LDB2: variants seen among roughly 807,000 people sequenced by gnomAD.
The protein encoded by LDB2 is LIM domain binding 2.
Under a neutral mutation model 44.3 loss-of-function variants are expected in LDB2, and 12 were observed. That is an observed-to-expected ratio of 0.27 (90% confidence interval 0.17 to 0.44). The LOEUF is 0.44. Among genes scored for constraint, LDB2 ranks in the 20% least tolerant of loss-of-function variants. The pLI is 1.00. For missense variants in LDB2, 344 were observed against 473.5 expected, an observed-to-expected ratio of 0.73 and a Z score of 2.54; for synonymous variants, 164 against 174.8, an observed-to-expected ratio of 0.94 and a Z score of 0.49.
intron 1 of LDB2, among the ~76,000 whole-genome samples, chr4:16,779,389 T>C (rs2109435702): frequency 6.6e-6 from 1 of 152,326 alleles, no homozygotes; most frequent in East Asian, 1.9e-4. Context: ...GAAGCATGCA[T>C]GGCCTGGGTC....
intron 1 of LDB2, among the ~76,000 whole-genome samples, chr4:16,897,984 A>G (rs575049179): frequency 1.4e-3 from 173 of 120,726 alleles, no homozygotes; most frequent in African/African-American, 3.9e-3. Context: ...ACACATATGT[A>G]TATATATATA....
At chr4:16,862,840 G>A (rs957884169) in intron 1 of LDB2, among the ~76,000 whole-genome samples, 1 of 151,980 alleles carries the variant, frequency 6.6e-6, no homozygotes, top group East Asian at 1.9e-4. Flanking sequence ...ACAGTCCTCC[G>A]CCCCCGAAGT....
At position 16,620,124 on chromosome 4, in the gene LDB2, T is replaced by C. The variant is rs780560326; in HGVS notation, c.236-24249A>G. Among the ~76,000 whole-genome samples, 11 of 152,304 alleles carry C rather than the reference T, an allele frequency of 7.2e-5. No homozygotes were observed. In the South Asian group the frequency reaches 1.5e-3, roughly 20 times the overall value. ...AGCCTCCTGTTGTCCAAAAGTTCCA[T>C]GAAGGAAGAGACCATATCTATCTTG... is the stretch of plus-strand genomic sequence containing the variant. On this transcript the variant is annotated intron_variant, in intron 2 of 7. Coordinates refer to ENST00000304523, the MANE Select transcript of LDB2 (RefSeq NM_001290.5).
At chr4:16,694,730 T>C (rs569958313) in intron 2 of LDB2, among the ~76,000 whole-genome samples, 1 of 152,336 alleles carries the variant, frequency 6.6e-6, no homozygotes, top group South Asian at 2.1e-4. Flanking sequence ...CCAAGAGTCA[T>C]AGCTTTATTC....
rs565584047 is a variant in LDB2 at position 16,887,457 on chromosome 4, G to GT, written c.132+10896dup. ...AAAGGGCAGGTAATATGCACTGACT[G>GT]TTTAAGTTTAATTTCAAGTAATAAA... On this transcript the variant is annotated intron_variant, in intron 1 of 7. Transcript: ENST00000304523. Among the ~76,000 whole-genome samples, 38 of 152,276 alleles carry GT rather than the reference G, an allele frequency of 2.5e-4. No homozygotes were observed. In the South Asian group the frequency reaches 7.7e-3, roughly 31 times the overall value.
chr4:16,793,475 C>T (rs968838554), intron 1 of LDB2, among the ~76,000 whole-genome samples: 5 of 152,246 alleles, frequency 3.3e-5, no homozygotes, highest in Admixed American at 2.6e-4. Flanking sequence ...ACCATCAGCT[C>T]CCAGGTTGCC....
chr4:16,844,925 G>A (rs527281639), intron 1 of LDB2, among the ~76,000 whole-genome samples: 14 of 152,316 alleles, frequency 9.2e-5, no homozygotes, highest in African/African-American at 3.4e-4. Flanking sequence ...GTACAAGAGG[G>A]AAAACTACAT....
At chr4:16,787,388 A>G (rs1268446983) in intron 1 of LDB2, among the ~76,000 whole-genome samples, 1 of 152,178 alleles carries the variant, frequency 6.6e-6, no homozygotes, top group Non-Finnish European at 1.5e-5. Flanking sequence ...CAAGGTGGGC[A>G]TATCACCCGA....
chr4:16,584,608 C>T (rs1367913863), intron 5 of LDB2, among the ~76,000 whole-genome samples: 3 of 152,210 alleles, frequency 2.0e-5, no homozygotes, highest in Non-Finnish European at 4.4e-5. Flanking sequence ...GCACGGTGTT[C>T]GTGTGGTAAC....
chr4:16,880,272 CA>C (rs1313465673), intron 1 of LDB2, among the ~76,000 whole-genome samples: 1 of 152,116 alleles, frequency 6.6e-6, no homozygotes, highest in Non-Finnish European at 1.5e-5. Flanking sequence ...TAAATTAAAT[CA>C]AAACAGGCCT....
chr4:16,515,076 A>G (rs945804619), intron 5 of LDB2, among the ~76,000 whole-genome samples: 1 of 152,248 alleles, frequency 6.6e-6, no homozygotes, highest in African/African-American at 2.4e-5. Context: ...AAAATGTGGT[A>G]CACATTCACC....
intron 7 of LDB2, chr4:16,505,982 C>G (rs896089729): frequency 2.6e-6 from 4 of 1,551,156 alleles, no homozygotes; most frequent in Non-Finnish European, 3.5e-6. Flanking sequence ...GCTCCTAGCC[C>G]CTGCTCATGG....
intron 1 of LDB2, among the ~76,000 whole-genome samples, chr4:16,881,839 A>C (rs575815163): frequency 1.8e-4 from 27 of 152,254 alleles, no homozygotes; most frequent in Non-Finnish European, 3.2e-4. Context: ...TAAGAGACCT[A>C]GTTGCAGCCA....
intron 2 of LDB2, among the ~76,000 whole-genome samples, chr4:16,634,061 T>A (rs1271535425): frequency 6.6e-6 from 1 of 152,166 alleles, no homozygotes; most frequent in Non-Finnish European, 1.5e-5. Flanking sequence ...GCTAGCCATA[T>A]GTAGAAAACT....
chr4:16,702,887 T>C (rs157624), intron 2 of LDB2, among the ~76,000 whole-genome samples: 52,823 of 152,088 alleles, frequency 0.35, 10,125 homozygotes, highest in East Asian at 0.66. Context: ...AGCCCTTGAA[T>C]GCCTATGTAC....
At chr4:16,850,052 G>A (rs1367912105) in intron 1 of LDB2, among the ~76,000 whole-genome samples, 1 of 152,184 alleles carries the variant, frequency 6.6e-6, no homozygotes, top group Admixed American at 6.5e-5. Flanking sequence ...TGTCAAAGAG[G>A]TGATATGCTA....
chr4:16,883,895 C>G lies in LDB2; in HGVS notation c.132+14459G>C, dbSNP rs942285519. Among the ~76,000 whole-genome samples the G allele has an allele frequency of 2.6e-5, 4 of 151,894 alleles. No individual in the cohort carries two copies. The South Asian group carries it at 8.3e-4, about 31-fold the overall frequency. On this transcript the variant is annotated intron_variant, in intron 1 of 7. Coordinates refer to ENST00000304523, the MANE Select transcript of LDB2 (RefSeq NM_001290.5). The stretch of plus-strand genomic sequence containing the variant: ...GTTACATCACCTTGGCTTACGGGAA[C>G]TTTGCATCTTTAAAAAAAAAAATAC...
chr4:16,570,642 G>A (rs1746187619), intron 5 of LDB2, among the ~76,000 whole-genome samples: 4 of 151,962 alleles, frequency 2.6e-5, no homozygotes, highest in Admixed American at 1.3e-4. Context: ...AATAACTAAG[G>A]TAGAAAGGTT....
intron 1 of LDB2, among the ~76,000 whole-genome samples, chr4:16,877,153 A>G (rs1001347303): frequency 1.3e-5 from 2 of 152,232 alleles, no homozygotes; most frequent in Non-Finnish European, 2.9e-5. Flanking sequence ...TATGGTTCGA[A>G]AAAGAAAATG....
Sources: allele counts gnomAD v4.1 joint callset (sites outside exome capture counted in the v4.1 genomes callset), GRCh38; gene constraint gnomAD v4.1.1; transcripts MANE v1.5; gene names NCBI Gene and HGNC (gene_info 2026-07-23, HGNC 2026-07-21).